The following KIF13A variants were observed in gnomAD, a reference collection of about 807,000 sequenced individuals.
KIF13A encodes kinesin-like protein KIF13A.
Under a neutral mutation model 212.2 loss-of-function variants are expected in KIF13A, and 79 were observed. That is an observed-to-expected ratio of 0.37 (90% CI 0.31 to 0.45). The LOEUF (loss-of-function observed/expected upper bound fraction) is 0.45, where lower values mean the gene tolerates loss of function less well. Among genes scored for constraint, KIF13A ranks in the 20% least tolerant of loss-of-function variants. The pLI is 1.00. For synonymous variants in KIF13A, 789 were observed against 808.6 expected, an observed-to-expected ratio of 0.98 and a Z score of 0.41; for missense variants, 1,901 against 2,209.0, an observed-to-expected ratio of 0.86 and a Z score of 2.79.
At chr6:17,815,755 T>A (rs778891094) in intron 17 of KIF13A, 7 of 211,650 alleles carry the variant, frequency 3.3e-5, no homozygotes, top group Non-Finnish European at 6.1e-5. Flanking sequence ...ATTCTTATTC[T>A]ATATATTAGC....
At chr6:17,858,115 ATGCACGCATGTGTGTGTGTGTGT>A (rs1768334217) in intron 4 of KIF13A, among the ~76,000 whole-genome samples, 5 of 133,988 alleles carry the variant, frequency 3.7e-5, no homozygotes, top group Non-Finnish European at 8.3e-5. Flanking sequence ...GTGTGTGTGC[ATGCACGCATGTGTGTGTGTGTGT>A]GTGAGAGAGA....
At chr6:17,814,031 C>T (rs1479986559) in intron 17 of KIF13A, among the ~76,000 whole-genome samples, 2 of 144,408 alleles carry the variant, frequency 1.4e-5, no homozygotes, top group African/African-American at 2.6e-5. Flanking sequence ...CAGCTCACTG[C>T]AAGCTCCGCC....
Position 17,783,565 on chromosome 6 carries a change from G to A in KIF13A, c.3544+81C>T. 1 of 955,296 alleles carries A rather than the reference G, an allele frequency of 1.0e-6. No homozygotes were observed. Among genetic ancestry groups the A allele is most frequent in the Admixed American group, 2.1e-5 (1 of 48,718 alleles). 59.2% of individuals were successfully genotyped at this position (955,296 alleles called of 1,614,324 possible). A position where few individuals can be genotyped will look rare whatever the true frequency, so the allele number is the denominator to read the frequency against. ...ATGAATGATTAGAAGAGTGATTTAA[G>A]GATCAAAATAATGTGAATCTGGATA... On this transcript the variant is annotated intron_variant, in intron 29 of 38. Coordinates refer to ENST00000259711, the MANE Select transcript of KIF13A (RefSeq NM_022113.6). This position sits in a 1 kb window ranked among gnomAD's most constrained non-coding sequence, Gnocchi z 4.3.
rs912763037 is a variant in KIF13A, at chr6:17,831,161, G to C, written c.1341C>G (p.Cys447Trp). 5 of 1,613,374 alleles carry C rather than the reference G, an allele frequency of 3.1e-6. No individual in the cohort carries two copies. The highest frequency in any genetic ancestry group is 3.4e-6 in the Non-Finnish European group (4 of 1,179,480). ...MSGIKVGDDK[C>W]YLVNLNADPA... ...GGTCTGCATTCAGATTGACTAAGTA[G>C]CATTTGTCATCCCCCACCTTGATAC... Residue 447 changes from cysteine to tryptophan, a missense_variant, in exon 13 of 39, where the codon TGC becomes TGG. Cys to Trp is a radical substitution (Grantham distance 215). Coordinates refer to ENST00000259711, the MANE Select transcript of KIF13A (RefSeq NM_022113.6).
chr6:17,821,874 C>T (rs966012668), intron 16 of KIF13A: 2 of 1,535,130 alleles, frequency 1.3e-6, no homozygotes, highest in Non-Finnish European at 1.7e-6. Context: ...GGGATGACCA[C>T]CAGGCAGACA....
Position 17,808,917 on chromosome 6 carries a change from G to A in KIF13A, c.2014C>T (p.Arg672Ter), listed in dbSNP as rs1314241716. 4 of 1,611,788 alleles carry A rather than the reference G, an allele frequency of 2.5e-6. No homozygotes were observed. The highest frequency in any genetic ancestry group is 1.1e-5 in the South Asian group (1 of 90,660). Residue 672 changes from arginine to a stop codon, truncating the protein, a stop_gained, in exon 18 of 39, where the codon CGA (arginine) becomes TGA (stop). Coordinates refer to ENST00000259711, the MANE Select transcript of KIF13A (RefSeq NM_022113.6). LOFTEE classifies it high-confidence loss of function. ...QWAEERDELF[R>*]QSLAKLREQL... is the part of the protein sequence containing the mutation. ...TCTCGCAGTTTTGCCAGGCTTTGTCGGAAGAGTTCATCCCTGCAGTGTCAT... is the reference window on the plus strand; with the variant it reads ...TCTCGCAGTTTTGCCAGGCTTTGTCAGAAGAGTTCATCCCTGCAGTGTCAT...
rs1768072739 is a variant in KIF13A at position 17,855,683 on chromosome 6, A to G, written c.314-66T>C. On this transcript the variant is annotated intron_variant, in intron 5 of 38. Transcript: ENST00000259711. This position sits in a 1 kb window ranked among gnomAD's most constrained non-coding sequence, Gnocchi z 4.1. ...GAGCAAAATGCAATGCTTCAACCATACAAGGTTTCCCCATATACTGGCCAT... is the reference window on the plus strand; with the variant it reads ...GAGCAAAATGCAATGCTTCAACCATGCAAGGTTTCCCCATATACTGGCCAT... The G allele has an allele frequency of 2.3e-6, 3 of 1,304,426 alleles. No individual in the cohort carries two copies. The highest frequency in any genetic ancestry group is 4.9e-5 in the East Asian group (2 of 40,758). 80.8% of individuals were successfully genotyped at this position (1,304,426 alleles called of 1,614,324 possible).
chr6:17,858,272 A>G lies in KIF13A; in HGVS notation c.221-2150T>C, dbSNP rs530445476. On this transcript the variant is annotated intron_variant, in intron 4 of 38. Coordinates refer to ENST00000259711, the MANE Select transcript of KIF13A (RefSeq NM_022113.6). Reference sequence around the variant, plus strand: ...AGATGTTTGGTAACTTCCACCAAACAAGTTGGTGGAATATGTGGATTTTTT... The same window carrying G: ...AGATGTTTGGTAACTTCCACCAAACGAGTTGGTGGAATATGTGGATTTTTT... Among the ~76,000 whole-genome samples, 3 of 152,324 alleles carry G rather than the reference A, an allele frequency of 2.0e-5. No homozygotes were observed. The East Asian group carries it at 5.8e-4, about 29-fold the overall frequency.
intron 2 of KIF13A, among the ~76,000 whole-genome samples, chr6:17,944,763 G>A (rs116636064): frequency 0.016 from 2,476 of 152,160 alleles, 27 homozygotes; most frequent in Middle Eastern, 0.054. Flanking sequence ...ATTATTCTAT[G>A]CTTGCTTCTC....
chr6:17,900,558 G>T lies in KIF13A; in HGVS notation c.147-2378C>A, dbSNP rs1437778354. Among the ~76,000 whole-genome samples, 1 of 152,166 alleles carries T rather than the reference G, an allele frequency of 6.6e-6. No homozygotes were observed. The highest frequency in any genetic ancestry group is 1.5e-5 in the Non-Finnish European group (1 of 68,042). ...GAAAAGAAAAAAGGGAAGCCACAAA[G>T]CTCATCTGCTGCTACCCAAACTTAC... On this transcript the variant is annotated intron_variant, in intron 2 of 38. Coordinates refer to ENST00000259711, the MANE Select transcript of KIF13A (RefSeq NM_022113.6). This position sits in a 1 kb window ranked among gnomAD's most constrained non-coding sequence, Gnocchi z 4.6.
intron 23 of KIF13A, among the ~76,000 whole-genome samples, chr6:17,796,116 G>T (rs1354146157): frequency 1.3e-5 from 2 of 150,238 alleles, no homozygotes; most frequent in Non-Finnish European, 1.5e-5. Context: ...GAGGAAATAG[G>T]CTCAGAGAAG....
At chr6:17,907,123 T>C (rs899826735) in intron 2 of KIF13A, among the ~76,000 whole-genome samples, 4 of 152,232 alleles carry the variant, frequency 2.6e-5, no homozygotes, top group African/African-American at 9.6e-5. Flanking sequence ...GATAGGTTTC[T>C]GTTACTATCT....
rs779829915 is a variant in KIF13A at position 17,780,788 on chromosome 6, G to A, written c.3788C>T (p.Pro1263Leu). The A allele has an allele frequency of 1.2e-6, 2 of 1,614,014 alleles. No individual in the cohort carries two copies. The highest frequency in any genetic ancestry group is 2.2e-5 in the South Asian group (2 of 91,090). The change falls in exon 31 of 39, where the codon CCT becomes CTT. Residue 1263 changes from proline (P) to leucine (L), a missense_variant. By Grantham distance (98) the Pro-to-Leu change is moderately conservative. Transcript: ENST00000259711. Reference sequence around the variant, plus strand: ...TCGTAATACTAACTCCATAGCAGCAGGGTGGCTGAGTTGAACTGTGGTTTT... The same window carrying A: ...TCGTAATACTAACTCCATAGCAGCAAGGTGGCTGAGTTGAACTGTGGTTTT... ...IVKTTVQLSHPAAMELVLRKR... is the reference protein window; with the variant it reads ...IVKTTVQLSHLAAMELVLRKR...
chr6:17,975,802 T>C (rs191722524), intron 2 of KIF13A, among the ~76,000 whole-genome samples: 4 of 152,300 alleles, frequency 2.6e-5, no homozygotes, highest in Admixed American at 2.0e-4. Context: ...AGTAGCTAGA[T>C]ACAGAGTGTC....
chr6:17,905,948 C>G (rs1447408395), intron 2 of KIF13A, among the ~76,000 whole-genome samples: 1 of 152,098 alleles, frequency 6.6e-6, no homozygotes, highest in African/African-American at 2.4e-5. Flanking sequence ...ATATACTTTT[C>G]TATCAATAAT....
At chr6:17,874,318 T>C (rs1039061263) in intron 3 of KIF13A, among the ~76,000 whole-genome samples, 1 of 151,984 alleles carries the variant, frequency 6.6e-6, no homozygotes, top group African/African-American at 2.4e-5. Context: ...TCTTACTGTA[T>C]TTTTAATATA....
chr6:17,987,026 C>A lies in KIF13A; in HGVS notation c.146+28G>T. ...CGGGACCCCGCGAGGCTGGATCCTC[C>A]CAGCCGCCCTCTCGGAACCCGCTTT... On this transcript the variant is annotated intron_variant, in intron 2 of 38. Transcript: ENST00000259711. The surrounding 1 kb of genome is among the most constrained non-coding windows in gnomAD (Gnocchi z 7.7). 1 of 1,575,086 alleles carries A rather than the reference C, an allele frequency of 6.3e-7. No individual in the cohort carries two copies. The highest frequency in any genetic ancestry group is 8.7e-7 in the Non-Finnish European group (1 of 1,144,896).
intron 4 of KIF13A, among the ~76,000 whole-genome samples, chr6:17,867,342 A>AT (rs1174914566): frequency 2.0e-5 from 3 of 152,172 alleles, no homozygotes; most frequent in Non-Finnish European, 4.4e-5. Context: ...GATTTGGCAT[A>AT]TTTTTTCATA....
chr6:17,908,589 G>A (rs1183910988), intron 2 of KIF13A, among the ~76,000 whole-genome samples: 1 of 151,988 alleles, frequency 6.6e-6, no homozygotes, highest in Non-Finnish European at 1.5e-5. Context: ...AGGCGACAGA[G>A]CGAGACTGTC....
Sources: allele counts gnomAD v4.1 joint callset (sites outside exome capture counted in the v4.1 genomes callset), GRCh38; gene constraint gnomAD v4.1.1; non-coding constraint Gnocchi (gnomAD v3.1); transcripts MANE v1.5; gene names NCBI Gene and HGNC (gene_info 2026-07-23, HGNC 2026-07-21).